The following ARHGAP31 variants were observed in gnomAD, a reference collection of about 807,000 sequenced individuals.
ARHGAP31 encodes Rho GTPase activating protein 31, also known as rho GTPase-activating protein 31.
Under a neutral mutation model 113.9 loss-of-function variants are expected in ARHGAP31, and 34 were observed. The ratio of observed to expected loss-of-function variants is 0.30; its 90% CI spans 0.23 to 0.40. ARHGAP31 has a LOEUF of 0.40. Among genes scored for constraint, ARHGAP31 ranks in the 10% least tolerant of loss-of-function variants. The pLI is 1.00. For synonymous variants in ARHGAP31, 650 were observed against 684.8 expected, an observed-to-expected ratio of 0.95 and a Z score of 0.79; for missense variants, 1,548 against 1,767.1, an observed-to-expected ratio of 0.88 and a Z score of 2.22.
At chr3:119,384,894 T>C (rs539798455) in intron 6 of ARHGAP31, among the ~76,000 whole-genome samples, 1 of 152,008 alleles carries the variant, frequency 6.6e-6, no homozygotes, top group South Asian at 2.1e-4. Context: ...ACATTTCATA[T>C]AAATGGAATC....
At chr3:119,381,321 A>G (rs2080395075) in intron 4 of ARHGAP31, among the ~76,000 whole-genome samples, 1 of 152,194 alleles carries the variant, frequency 6.6e-6, no homozygotes, top group Admixed American at 6.5e-5. Flanking sequence ...GGCAACCAAG[A>G]TAGCTTTTCA....
rs780442778 is a variant in ARHGAP31, at chr3:119,402,320, A to G, written c.1568A>G (p.Glu523Gly). The G allele has an allele frequency of 5.6e-6, 9 of 1,614,060 alleles. No homozygotes were observed. The East Asian group carries it at 1.6e-4, about 28-fold the overall frequency. Residue 523 changes from glutamate to glycine, a missense_variant, in exon 10 of 12, where the codon GAA becomes GGA. Coordinates refer to ENST00000264245, the MANE Select transcript of ARHGAP31 (RefSeq NM_020754.4). Reference protein sequence around the residue: ...PKELQSLSSLEEFSFHGSESG... With the variant: ...PKELQSLSSLGEFSFHGSESG... ...GAGCTGCAGTCTCTTTCCAGCCTGG[A>G]AGAGTTTTCTTTTCATGGATCAGAG...
At chr3:119,392,289 T>C (rs555275563) in intron 7 of ARHGAP31, among the ~76,000 whole-genome samples, 1 of 152,050 alleles carries the variant, frequency 6.6e-6, no homozygotes, top group Non-Finnish European at 1.5e-5. Context: ...CTTTACAAAA[T>C]ATAAAAATAT....
intron 11 of ARHGAP31, among the ~76,000 whole-genome samples, chr3:119,411,148 C>T (rs2080712941): frequency 6.6e-6 from 1 of 152,128 alleles, no homozygotes; most frequent in Non-Finnish European, 1.5e-5. Flanking sequence ...GAAAGTGAGA[C>T]TCAGGGGGAT....
chr3:119,414,768 C>T lies in ARHGAP31; in HGVS notation c.2839C>T (p.Pro947Ser), dbSNP rs748935487. 7 of 1,614,230 alleles carry T rather than the reference C, an allele frequency of 4.3e-6. No homozygotes were observed. Among genetic ancestry groups the T allele is most frequent in the South Asian group, 1.1e-5 (1 of 91,092 alleles). Reference sequence around the variant, plus strand: ...GTTGGAGAAGAGGCTTTCCCACAGGCCCAGCCTTCGCCAGAGCCATTCTCT... The same window carrying T: ...GTTGGAGAAGAGGCTTTCCCACAGGTCCAGCCTTCGCCAGAGCCATTCTCT... The part of the protein sequence containing the change: ...HQLEKRLSHR[P>S]SLRQSHSLDS... Residue 947 changes from proline (P) to serine (S), a missense_variant, in exon 12 of 12, where the codon CCC (proline) becomes TCC (serine). By Grantham distance (74) the Pro-to-Ser change is moderately conservative. Transcript: ENST00000264245.
intron 1 of ARHGAP31, among the ~76,000 whole-genome samples, chr3:119,300,985 C>A (rs2079579149): frequency 6.6e-6 from 1 of 152,166 alleles, no homozygotes; most frequent in Non-Finnish European, 1.5e-5. Flanking sequence ...GGGGCATCTC[C>A]GCATTTGGGC....
rs1196252503 is a variant in ARHGAP31, at chr3:119,418,865, C to T, written c.*2601C>T. On this transcript the variant is annotated 3_prime_UTR_variant, in exon 12 of 12. Transcript: ENST00000264245. ...ACTCACCTTCTCAGCCAGAGTCCTG[C>T]TGCTCAAGTGTGGACCTCCACTTTG... 2 of 152,266 alleles carry T rather than the reference C, an allele frequency of 1.3e-5. No homozygotes were observed. The highest frequency in any genetic ancestry group is 4.8e-5 in the African/African-American group (2 of 41,446). The allele number at this position is 152,266 out of a possible 1,614,324, so 9.4% of individuals were successfully genotyped here.
At chr3:119,304,590 C>T (rs551315182) in intron 1 of ARHGAP31, among the ~76,000 whole-genome samples, 1 of 152,242 alleles carries the variant, frequency 6.6e-6, no homozygotes, top group African/African-American at 2.4e-5. Flanking sequence ...AGACTGGCTG[C>T]AGTGACAGAA....
chr3:119,391,302 C>T (rs1027873488), intron 7 of ARHGAP31, among the ~76,000 whole-genome samples: 1 of 152,116 alleles, frequency 6.6e-6, no homozygotes, highest in Non-Finnish European at 1.5e-5. Context: ...GTAGACAAAT[C>T]AGGCTTGGTG....
At chr3:119,367,959 G>A (rs1413721088) in intron 2 of ARHGAP31, among the ~76,000 whole-genome samples, 1 of 151,898 alleles carries the variant, frequency 6.6e-6, no homozygotes, top group East Asian at 1.9e-4. Flanking sequence ...ATATGGAGAT[G>A]AGCGACAACA....
chr3:119,372,249 C>CCCCAACCTCACCAGCA (rs1363662576), intron 3 of ARHGAP31, among the ~76,000 whole-genome samples: 1 of 151,664 alleles, frequency 6.6e-6, no homozygotes, highest in Admixed American at 6.6e-5. Context: ...GTTCATTTCT[C>CCCCAACCTCACCAGCA]CCCAACCTCA....
At position 119,294,690 on chromosome 3, in the gene ARHGAP31, G is replaced by C. The variant is rs1458882345; in HGVS notation, c.-215G>C. The C allele has an allele frequency of 5.1e-6, 3 of 592,616 alleles. No individual in the cohort carries two copies. Among genetic ancestry groups the C allele is most frequent in the South Asian group, 4.0e-5 (2 of 49,594 alleles). The allele number at this position is 592,616 out of a possible 1,614,324, so 36.7% of individuals were successfully genotyped here. A position where few individuals can be genotyped will look rare whatever the true frequency, so the allele number is the denominator to read the frequency against. On this transcript the variant is annotated 5_prime_UTR_variant, in exon 1 of 12. Transcript: ENST00000264245. ...CTGCCAGTCTGCACGGCCTCGGCAC[G>C]GCGGCCCCGGAGCGGCGCGGGGTGG...
chr3:119,302,339 T>C (rs989829876), intron 1 of ARHGAP31, among the ~76,000 whole-genome samples: 3 of 152,258 alleles, frequency 2.0e-5, no homozygotes, highest in Admixed American at 2.0e-4. Context: ...ACAAACAGGC[T>C]GACTGTAATT....
rs73854463 is a variant in ARHGAP31, at chr3:119,296,057, T to C, written c.100+1053T>C. On this transcript the variant is annotated intron_variant, in intron 1 of 11. Coordinates refer to ENST00000264245, the MANE Select transcript of ARHGAP31 (RefSeq NM_020754.4). ...ACAAAGGGGAAAACTAAGGGCTGTG[T>C]AACCGTGCGGAATAATTCTGCCTCC... Among the ~76,000 whole-genome samples, 183 of 152,354 alleles carry C rather than the reference T, an allele frequency of 1.2e-3. 1 individual carries two copies. The highest frequency in any genetic ancestry group is 4.3e-3 in the African/African-American group (177 of 41,576).
At chr3:119,335,227 T>A (rs2079932384) in intron 1 of ARHGAP31, among the ~76,000 whole-genome samples, 1 of 152,248 alleles carries the variant, frequency 6.6e-6, no homozygotes, top group Non-Finnish European at 1.5e-5. Flanking sequence ...ATCGTAGTTC[T>A]TTCACATACT....
chr3:119,404,509 A>G (rs2080643863), intron 10 of ARHGAP31, among the ~76,000 whole-genome samples: 1 of 152,188 alleles, frequency 6.6e-6, no homozygotes, highest in Admixed American at 6.5e-5. Flanking sequence ...GGGTGAGGTT[A>G]ACTTCAGTGT....
chr3:119,335,812 C>A (rs1188824677), intron 1 of ARHGAP31, among the ~76,000 whole-genome samples: 1 of 152,158 alleles, frequency 6.6e-6, no homozygotes, highest in Non-Finnish European at 1.5e-5. Context: ...ATGAAGACAG[C>A]CAATCTGCAA....
chr3:119,335,082 G>GAA (rs112924694), intron 1 of ARHGAP31, among the ~76,000 whole-genome samples: 6 of 148,816 alleles, frequency 4.0e-5, no homozygotes, highest in African/African-American at 7.4e-5. Flanking sequence ...TTTCCCATGG[G>GAA]AAAAAAAAAA....
rs16829782 is a variant in ARHGAP31, at chr3:119,383,078, C to A, written c.540-6C>A. Reference sequence around the variant, plus strand: ...ACTAACTGAATATGTTTCTTCCACACGGTAGGTCTAAAGAAATTGAAGCCA... The same window carrying A: ...ACTAACTGAATATGTTTCTTCCACAAGGTAGGTCTAAAGAAATTGAAGCCA... On this transcript the variant is annotated splice_region_variant and splice_polypyrimidine_tract_variant and intron_variant, in intron 5 of 11. Transcript: ENST00000264245. The A allele has an allele frequency of 6.2e-7, 1 of 1,613,816 alleles. No individual in the cohort carries two copies. Among genetic ancestry groups the A allele is most frequent in the Non-Finnish European group, 8.5e-7 (1 of 1,179,954 alleles).
Sources: gnomAD v4.1 joint callset for allele counts (sites outside exome capture counted in the v4.1 genomes callset) on GRCh38, gnomAD v4.1.1 for gene constraint, MANE v1.5 for transcripts, NCBI Gene and HGNC (gene_info 2026-07-23, HGNC 2026-07-21) for gene names.